Variants in ANKRD36C observed in about 807,000 individuals in gnomAD.
ANKRD36C encodes ankyrin repeat domain-containing protein 36C.
ANKRD36C carries 61 observed loss-of-function variants against 276.4 expected under a neutral mutation model. The observed-to-expected ratio is 0.22, with a 90% CI of 0.18 to 0.27. ANKRD36C has a LOEUF of 0.27. Among genes scored for constraint, ANKRD36C ranks in the 10% least tolerant of loss-of-function variants. The pLI, the probability that ANKRD36C is intolerant of heterozygous loss-of-function variation, is 1.00. For missense variants in ANKRD36C, 1,447 were observed against 2,032.3 expected (o/e 0.71, Z 5.54); for synonymous variants, 483 against 680.1 (o/e 0.71, Z 4.51).
chr2:95,938,017 G>C (rs941395175), intron 22 of ANKRD36C, among the ~76,000 whole-genome samples: 9 of 152,078 alleles, frequency 5.9e-5, no homozygotes, highest in African/African-American at 2.2e-4. Context: ...GTGTCAACCT[G>C]GACAGATCTG....
chr2:95,913,846 C>T (rs977128076), intron 40 of ANKRD36C, among the ~76,000 whole-genome samples: 2 of 151,428 alleles, frequency 1.3e-5, no homozygotes, highest in African/African-American at 4.8e-5. Context: ...TTATGTTGTT[C>T]CCCAGAGCCC....
At chr2:95,866,795 T>G (rs566219649) in intron 60 of ANKRD36C, among the ~76,000 whole-genome samples, 1 of 152,246 alleles carries the variant, frequency 6.6e-6, no homozygotes, top group African/African-American at 2.4e-5. Context: ...ATCTCGATGA[T>G]GGTAATAGTT....
intron 46 of ANKRD36C, among the ~76,000 whole-genome samples, 171 bp from the exon 67 acceptor site, chr2:95,890,165 G>A (rs963784514): frequency 1.3e-5 from 2 of 151,408 alleles, no homozygotes; most frequent in African/African-American, 4.8e-5. Context: ...ACTGAAAAAA[G>A]GGAATACAGG....
At chr2:95,930,167 G>C (rs1246428282) in intron 24 of ANKRD36C, among the ~76,000 whole-genome samples, 1 of 151,490 alleles carries the variant, frequency 6.6e-6, no homozygotes, top group African/African-American at 2.4e-5. Flanking sequence ...TTATTAAGTT[G>C]CTATTTTATC....
chr2:95,882,429 T>G, intron 55 of ANKRD36C, 40 bp downstream of exon 75: 2 of 1,547,060 alleles, frequency 1.3e-6, no homozygotes, highest in Non-Finnish European at 1.7e-6. Context: ...TCATAGGCTA[T>G]GCAATAAATA....
intron 12 of ANKRD36C, among the ~76,000 whole-genome samples, chr2:95,957,742 T>C (rs1431887255): frequency 6.6e-6 from 1 of 152,258 alleles, no homozygotes; most frequent in African/African-American, 2.4e-5. Flanking sequence ...AATTTAACAT[T>C]ATTTTTGTTT....
chr2:95,872,764 A>AGCT (rs200945709), intron 59 of ANKRD36C, among the ~76,000 whole-genome samples: 12,484 of 152,010 alleles, frequency 0.082, 778 homozygotes, highest in East Asian at 0.18. Context: ...ATTGATAGAC[A>AGCT]GCTAGCAAGA....
exon 10 of ANKRD36C, chr2:95,960,528 G>C: frequency 6.6e-7 from 1 of 1,523,638 alleles, no homozygotes; most frequent in Non-Finnish European, 8.8e-7. Context: ...AAACAGAATC[G>C]TTCTTGTCAC....
intron 42 of ANKRD36C, 92 bp downstream of exon 46, chr2:95,910,281 A>G: frequency 7.4e-7 from 1 of 1,352,992 alleles, no homozygotes; most frequent in Non-Finnish European, 1.0e-6. Context: ...CAGAAAGTGC[A>G]GCTTCGACGA....
intron 1 of ANKRD36C, among the ~76,000 whole-genome samples, chr2:95,987,605 C>CTTTTTTT (rs35536038): frequency 2.3e-5 from 2 of 87,470 alleles, no homozygotes; most frequent in South Asian, 3.8e-4. Flanking sequence ...CTTACAAAGA[C>CTTTTTTT]TTTTTTTTTT....
Position 95,986,402 on chromosome 2 carries a change from C to A in ANKRD36C, c.486+349G>T, listed in dbSNP as rs546693870. Among the ~76,000 whole-genome samples, 308 of 151,594 alleles carry A rather than the reference C, an allele frequency of 2.0e-3. 2 individuals are homozygous for A. Among genetic ancestry groups the A allele is most frequent in the African/African-American group, 6.7e-3 (275 of 40,894 alleles). Reference sequence around the variant, plus strand: ...TTAAAATAAAGCCTATTTATAAGGGCCAATTTTACTTTCCTGTGTCACTTC... The same window carrying A: ...TTAAAATAAAGCCTATTTATAAGGGACAATTTTACTTTCCTGTGTCACTTC... On this transcript the variant is annotated intron_variant, in intron 3 of 66. Coordinates refer to ENST00000456556, the Ensembl canonical transcript of ANKRD36C.
At chr2:95,985,442 T>C (rs1246890406) in intron 3 of ANKRD36C, among the ~76,000 whole-genome samples, 2 of 152,200 alleles carry the variant, frequency 1.3e-5, no homozygotes, top group African/African-American at 2.4e-5. Flanking sequence ...AAATGTTTTA[T>C]TGTTGTTGTT....
intron 34 of ANKRD36C, among the ~76,000 whole-genome samples, chr2:95,920,227 C>T (rs1412809203): frequency 7.5e-6 from 1 of 132,756 alleles, no homozygotes; most frequent in African/African-American, 2.6e-5. Flanking sequence ...GATCTAAAAT[C>T]GGAGGAGCAA....
At chr2:95,962,575 A>G (rs1238755655) in intron 6 of ANKRD36C, 28 bp from the exon 7 acceptor site, 2 of 1,597,844 alleles carry the variant, frequency 1.3e-6, no homozygotes, top group Non-Finnish European at 1.7e-6. Context: ...TACATCATCA[A>G]TCATAGGTAA....
At position 95,884,332 on chromosome 2, in the gene ANKRD36C, T is replaced by C; in HGVS notation, c.3192+8A>G. The C allele has an allele frequency of 4.3e-6, 7 of 1,610,822 alleles. No individual in the cohort carries two copies. The highest frequency in any genetic ancestry group is 5.9e-6 in the Non-Finnish European group (7 of 1,179,154). ...ACTAGTTCACAATATAAATAAGAGT[T>C]TAATTACCTTCAAGGCTGGTTGTCT... On this transcript the variant is annotated splice_region_variant and intron_variant, in intron 53 of 66. Transcript: ENST00000456556.
chr2:95,922,159 A>G (rs1286501677), intron 32 of ANKRD36C, among the ~76,000 whole-genome samples: 1 of 151,642 alleles, frequency 6.6e-6, no homozygotes, highest in Non-Finnish European at 1.5e-5. Context: ...AGCAGGTGGC[A>G]CATGCACCCA....
intron 44 of ANKRD36C, among the ~76,000 whole-genome samples, chr2:95,895,988 A>G (rs1463686101): frequency 2.7e-5 from 4 of 148,804 alleles, no homozygotes; most frequent in Non-Finnish European, 6.0e-5. Flanking sequence ...AAAAGGATTT[A>G]CACCATTATA....
chr2:95,954,716 G>A (rs1266002376), intron 13 of ANKRD36C, among the ~76,000 whole-genome samples: 1 of 152,256 alleles, frequency 6.6e-6, no homozygotes, highest in East Asian at 1.9e-4. Flanking sequence ...TATAGATCCT[G>A]CTTTATTCAG....
chr2:95,868,255 G>A (rs1675724126), intron 59 of ANKRD36C, among the ~76,000 whole-genome samples: 1 of 149,122 alleles, frequency 6.7e-6, no homozygotes, highest in African/African-American at 2.5e-5. Flanking sequence ...TATTGGTTTT[G>A]TACTGTTTGT....
Sources: gnomAD v4.1 joint callset for allele counts (sites outside exome capture counted in the v4.1 genomes callset) on GRCh38, gnomAD v4.1.1 for gene constraint, MANE v1.5 for transcripts, NCBI Gene and HGNC (gene_info 2026-07-23, HGNC 2026-07-21) for gene names.